EVI5: variants seen among roughly 807,000 people sequenced by gnomAD.
EVI5 encodes the protein ecotropic viral integration site 5, also known as ecotropic viral integration site 5 protein homolog.
Under a neutral mutation model 112.0 loss-of-function variants are expected in EVI5, and 73 were observed. The ratio of observed to expected loss-of-function variants is 0.65; its 90% CI spans 0.54 to 0.79. The LOEUF (loss-of-function observed/expected upper bound fraction) is 0.79. Among genes scored for constraint, EVI5 ranks in the 30% least tolerant of loss-of-function variants. The pLI, the probability that EVI5 is intolerant of heterozygous loss-of-function variation, is 0.00. For synonymous variants in EVI5, 305 were observed against 319.9 expected (o/e 0.95, Z 0.50); for missense variants, 900 against 968.8 (o/e 0.93, Z 0.94).
intron 2 of EVI5, among the ~76,000 whole-genome samples, chr1:92,716,360 G>A (rs980738346): frequency 5.3e-5 from 8 of 152,166 alleles, no homozygotes; most frequent in African/African-American, 1.9e-4. Flanking sequence ...AATTCCAACA[G>A]ACCTGAAACT....
chr1:92,545,905 T>A (rs750531127), intron 19 of EVI5, among the ~76,000 whole-genome samples: 2 of 151,778 alleles, frequency 1.3e-5, no homozygotes, highest in Non-Finnish European at 2.9e-5. Context: ...GCTTGAAATA[T>A]CCTCTATTCT....
chr1:92,728,996 A>C (rs1289026614), intron 2 of EVI5, among the ~76,000 whole-genome samples: 1 of 152,140 alleles, frequency 6.6e-6, no homozygotes, highest in African/African-American at 2.4e-5. Context: ...CCAAACCACA[A>C]AAGTAGTGAT....
rs538759654 is a variant in EVI5 at position 92,530,564 on chromosome 1, C to A, written c.2167-16594G>T. The stretch of plus-strand genomic sequence containing the variant: ...TCTGGCTAGCATCTGGCAGGTGCCC[C>A]TCTGGGACAAAGCTTTCAGAGGAAG... On this transcript the variant is annotated intron_variant, in intron 19 of 19. Transcript: ENST00000684568. 5.9e-5 allele frequency among the ~76,000 whole-genome samples: 9 copies of A among 152,152 alleles called. No individual in the cohort carries two copies. In the East Asian group the frequency reaches 1.8e-3, roughly 30 times the overall value.
In EVI5 at chr1:92,636,913, T is replaced by A. The variant is rs75385616; in HGVS notation, c.1393-577A>T. On this transcript the variant is annotated intron_variant, in intron 13 of 19. Coordinates refer to ENST00000684568, the MANE Select transcript of EVI5 (RefSeq NM_001350197.2). Reference sequence around the variant, plus strand: ...TCCTTTTAATGTGGGTATTAGAAAATCTTAAATTGCATATGTGACACATTA... The same window carrying A: ...TCCTTTTAATGTGGGTATTAGAAAAACTTAAATTGCATATGTGACACATTA... Among the ~76,000 whole-genome samples, 46 of 152,232 alleles carry A rather than the reference T, an allele frequency of 3.0e-4. 1 individual carries two copies. In the East Asian group the frequency reaches 8.1e-3, roughly 27 times the overall value.
chr1:92,613,560 G>A (rs935940074), intron 16 of EVI5, among the ~76,000 whole-genome samples: 4 of 152,134 alleles, frequency 2.6e-5, no homozygotes, highest in African/African-American at 9.7e-5. Context: ...AAAGTGCTGG[G>A]ATTACAGGCG....
chr1:92,616,949 A>T (rs1653325777), intron 16 of EVI5, among the ~76,000 whole-genome samples: 3 of 152,194 alleles, frequency 2.0e-5, no homozygotes. Context: ...CTGAAGGGAC[A>T]AGTAAGTTTC....
At chr1:92,773,648 TAAAAC>T (rs1407243735) in intron 1 of EVI5, among the ~76,000 whole-genome samples, 4 of 150,198 alleles carry the variant, frequency 2.7e-5, no homozygotes, top group Non-Finnish European at 4.4e-5. Context: ...TCTCTGAAAA[TAAAAC>T]AAAAAAATCA....
intron 14 of EVI5, among the ~76,000 whole-genome samples, chr1:92,631,357 G>A (rs1657054509): frequency 1.3e-5 from 2 of 152,046 alleles, no homozygotes; most frequent in Admixed American, 1.3e-4. Flanking sequence ...TTATTTCATT[G>A]AGCAGTGGTT....
At chr1:92,766,864 T>C (rs541088650) in intron 1 of EVI5, among the ~76,000 whole-genome samples, 4 of 152,060 alleles carry the variant, frequency 2.6e-5, no homozygotes, top group Non-Finnish European at 5.9e-5. Context: ...GGCGGATCAC[T>C]TGAGGTCAGG....
intron 19 of EVI5, among the ~76,000 whole-genome samples, chr1:92,543,868 C>T (rs779871316): frequency 5.3e-5 from 8 of 152,120 alleles, no homozygotes; most frequent in Admixed American, 1.3e-4. Flanking sequence ...TGCAGGATTG[C>T]GACAAACCTT....
Position 92,662,870 on chromosome 1 carries a change from G to A in EVI5, c.1246-5C>T. On this transcript the variant is annotated splice_polypyrimidine_tract_variant and splice_region_variant and intron_variant, in intron 12 of 19. Coordinates refer to ENST00000684568, the MANE Select transcript of EVI5 (RefSeq NM_001350197.2). ...CTGGGCTCTTGTCACTTGTCCCTTA[G>A]GACATAATTTTTGTGTGTGTAAAGC... 2 of 1,276,232 alleles carry A rather than the reference G, an allele frequency of 1.6e-6. No individual in the cohort carries two copies. Among genetic ancestry groups the A allele is most frequent in the Non-Finnish European group, 1.0e-6 (1 of 984,558 alleles). The allele number at this position is 1,276,232 out of a possible 1,614,324, so 79.1% of individuals were successfully genotyped here.
chr1:92,783,998 AAGG>A (rs1570965753), intron 1 of EVI5, among the ~76,000 whole-genome samples: 1 of 152,176 alleles, frequency 6.6e-6, no homozygotes, highest in South Asian at 2.1e-4. Flanking sequence ...TCGGCAAAGA[AAGG>A]AGTTTATTAT....
At chr1:92,677,257 C>A in intron 9 of EVI5, 39 bp from the exon 10 acceptor site, 2 of 1,143,446 alleles carry the variant, frequency 1.7e-6, no homozygotes, top group South Asian at 2.9e-5. Context: ...GTAATGTTTT[C>A]ATTCAAAAGT....
chr1:92,747,168 C>T (rs1332416908), intron 1 of EVI5, among the ~76,000 whole-genome samples: 7 of 151,870 alleles, frequency 4.6e-5, no homozygotes, highest in Non-Finnish European at 7.4e-5. Context: ...TACTGTATAA[C>T]AACTACTTAC....
intron 13 of EVI5, among the ~76,000 whole-genome samples, chr1:92,651,850 C>CAA (rs35991116): frequency 0.012 from 1,075 of 90,606 alleles, 25 homozygotes; most frequent in African/African-American, 0.057. Context: ...GACTCCGTCT[C>CAA]AAAAAAAAAA....
intron 1 of EVI5, among the ~76,000 whole-genome samples, chr1:92,744,491 G>A (rs1445072111): frequency 2.6e-5 from 4 of 151,848 alleles, no homozygotes; most frequent in Admixed American, 1.3e-4. Context: ...CTTTGAGAAC[G>A]GACCCATTTA....
At chr1:92,710,757 G>A (rs971529073) in intron 2 of EVI5, among the ~76,000 whole-genome samples, 1 of 151,166 alleles carries the variant, frequency 6.6e-6, no homozygotes. Flanking sequence ...TGGGGTTGGG[G>A]GGGGGGTGCC....
chr1:92,719,850 T>A (rs1027477725), intron 2 of EVI5, among the ~76,000 whole-genome samples: 1 of 151,470 alleles, frequency 6.6e-6, no homozygotes, highest in African/African-American at 2.4e-5. Flanking sequence ...TCATACAAAA[T>A]CAATGTGCAA....
chr1:92,578,143 A>G (rs1433220046), intron 18 of EVI5, among the ~76,000 whole-genome samples: 1 of 152,118 alleles, frequency 6.6e-6, no homozygotes, highest in African/African-American at 2.4e-5. Flanking sequence ...CCCTTTCTGG[A>G]TCCATGTGAA....
Sources: gnomAD v4.1 joint callset for allele counts (sites outside exome capture counted in the v4.1 genomes callset) on GRCh38, gnomAD v4.1.1 for gene constraint, MANE v1.5 for transcripts, NCBI Gene and HGNC (gene_info 2026-07-23, HGNC 2026-07-21) for gene names.